Variants in FAT3 observed in about 807,000 individuals in gnomAD.
FAT3 encodes the protein FAT atypical cadherin 3.
A neutral mutation model predicts 310.2 loss-of-function variants in FAT3; 95 were observed. The ratio of observed to expected loss-of-function variants is 0.31; its 90% CI spans 0.26 to 0.36. FAT3 has a LOEUF of 0.36. Ranked by LOEUF, FAT3 falls within the 10% of genes least tolerant of loss-of-function variation. FAT3 has a pLI of 1.00. For synonymous variants in FAT3, 2,314 were observed against 2,192.9 expected (o/e 1.06, Z -1.54); for missense variants, 5,408 against 5,715.6 (o/e 0.95, Z 1.74).
At chr11:92,523,849 A>T (rs1953763911) in intron 2 of FAT3, among the ~76,000 whole-genome samples, 1 of 152,152 alleles carries the variant, frequency 6.6e-6, no homozygotes, top group Non-Finnish European at 1.5e-5. Flanking sequence ...TTTTAGGCAG[A>T]CATCTGATTT....
At position 92,799,021 on chromosome 11, in the gene FAT3, T is replaced by A; in HGVS notation, c.6008T>A (p.Ile2003Asn). ...AACACTAACATAACCAAAGTTGCTA[T>A]TGTCAATGCAGTTGGAAATCGCCTT... ...ENNTNITKVA[I>N]VNAVGNRLNE... Residue 2003 changes from isoleucine (I) to asparagine (N), a missense_variant, in exon 10 of 28, where the codon ATT (isoleucine) becomes AAT (asparagine). This residue lies in a region of FAT3 where 4,588 missense variants were observed against 4,809.8 expected (regional missense o/e 0.95). Transcript: ENST00000525166. The A allele has an allele frequency of 6.2e-7, 1 of 1,613,948 alleles. No individual in the cohort carries two copies. The highest frequency in any genetic ancestry group is 8.5e-7 in the Non-Finnish European group (1 of 1,179,862).
intron 3 of FAT3, among the ~76,000 whole-genome samples, chr11:92,672,130 A>G (rs943498660): frequency 2.0e-5 from 3 of 152,158 alleles, no homozygotes; most frequent in African/African-American, 7.2e-5. Context: ...AAATAAATAA[A>G]TAAATAAATA....
chr11:92,844,813 T>A, intron 19 of FAT3, 81 bp downstream of exon 19: 1 of 1,369,820 alleles, frequency 7.3e-7, no homozygotes, highest in Non-Finnish European at 9.7e-7. Context: ...ATGCCTGCAT[T>A]CAATCATTCG....
chr11:92,492,290 T>TCCA (rs1952628328), intron 2 of FAT3, among the ~76,000 whole-genome samples: 2 of 151,672 alleles, frequency 1.3e-5, no homozygotes, highest in African/African-American at 4.8e-5. Flanking sequence ...CATCCATCCA[T>TCCA]TCATCCATCC....
chr11:92,291,945 G>GA (rs1946706378), intron 1 of FAT3, among the ~76,000 whole-genome samples: 1 of 151,830 alleles, frequency 6.6e-6, no homozygotes, highest in Non-Finnish European at 1.5e-5. Context: ...TTTTTTCAAG[G>GA]AAAAAATATC....
intron 7 of FAT3, among the ~76,000 whole-genome samples, chr11:92,776,199 TATTC>T (rs1233691543): frequency 6.6e-6 from 1 of 152,204 alleles, no homozygotes; most frequent in South Asian, 2.1e-4. Context: ...AATTAAATGG[TATTC>T]AGTGTGCCCA....
intron 1 of FAT3, among the ~76,000 whole-genome samples, chr11:92,277,041 C>T (rs990849488): frequency 1.4e-4 from 21 of 152,012 alleles, no homozygotes; most frequent in Admixed American, 5.2e-4. Flanking sequence ...TACTTTTGCA[C>T]CTAGCAGTTG....
intron 6 of FAT3, chr11:92,766,512 C>T (rs902951346): frequency 2.0e-5 from 3 of 152,250 alleles, no homozygotes; most frequent in African/African-American, 7.2e-5. Flanking sequence ...CGCCCCATGG[C>T]CCGCAGTCAA....
At chr11:92,335,020 T>A (rs1030879256) in intron 1 of FAT3, among the ~76,000 whole-genome samples, 1 of 152,192 alleles carries the variant, frequency 6.6e-6, no homozygotes, top group Non-Finnish European at 1.5e-5. Flanking sequence ...AAATGCTTAC[T>A]ACATTAAAAG....
At position 92,810,055 on chromosome 11, in the gene FAT3, C is replaced by G. The variant is rs546668555; in HGVS notation, c.9460C>G (p.Gln3154Glu). The G allele has an allele frequency of 4.3e-6, 7 of 1,613,756 alleles. No individual in the cohort carries two copies. The highest frequency in any genetic ancestry group is 4.2e-6 in the Non-Finnish European group (5 of 1,179,804). Residue 3154 changes from glutamine (Q) to glutamate (E), a missense_variant, in exon 13 of 28, where the codon CAA becomes GAA. Around this residue, in one of 5 missense-constraint regions of FAT3, gnomAD observed 4,588 missense variants for 4,809.8 expected, o/e 0.95. Coordinates refer to ENST00000525166, the MANE Select transcript of FAT3 (RefSeq NM_001367949.2). The part of the protein sequence containing the change: ...TATKALLTRV[Q>E]AVDPDIGINR... Reference sequence around the variant, plus strand: ...CACCAAGGCTCTGTTGACCAGAGTTCAAGCCGTGGACCCCGACATTGGTAA... The same window carrying G: ...CACCAAGGCTCTGTTGACCAGAGTTGAAGCCGTGGACCCCGACATTGGTAA...
At chr11:92,632,995 G>A (rs1941612596) in intron 3 of FAT3, among the ~76,000 whole-genome samples, 1 of 152,114 alleles carries the variant, frequency 6.6e-6, no homozygotes, top group African/African-American at 2.4e-5. Context: ...TTTTGTACCT[G>A]CTACCTTTGT....
intron 1 of FAT3, among the ~76,000 whole-genome samples, chr11:92,229,371 T>C (rs1044693099): frequency 2.2e-5 from 3 of 135,652 alleles, no homozygotes; most frequent in African/African-American, 8.0e-5. Flanking sequence ...ATCTTTTCTG[T>C]GTTTTGGTCG....
intron 3 of FAT3, among the ~76,000 whole-genome samples, chr11:92,687,914 A>G (rs951166930): frequency 6.6e-6 from 1 of 152,098 alleles, no homozygotes; most frequent in Admixed American, 6.5e-5. Context: ...TCTAAAGTCA[A>G]AACAGGCTGG....
rs1451801313 is a variant in FAT3 at position 92,800,062 on chromosome 11, G to A, written c.7049G>A (p.Arg2350Gln). The A allele has an allele frequency of 1.9e-6, 3 of 1,613,950 alleles. No individual in the cohort carries two copies. The highest frequency in any genetic ancestry group is 1.1e-5 in the South Asian group (1 of 91,076). The change falls in exon 10 of 28, where the codon CGA becomes CAA. Residue 2350 changes from arginine (R) to glutamine (Q), a missense_variant. Coordinates refer to ENST00000525166, the MANE Select transcript of FAT3 (RefSeq NM_001367949.2). ...DSSSGLILTA[R>Q]MLDHELVQHC... ...TCAAGTGGCTTAATCCTGACAGCAC[G>A]AATGCTGGACCATGAGTTAGTACAA...
chr11:92,480,228 G>C (rs370100754), intron 2 of FAT3, among the ~76,000 whole-genome samples: 5 of 152,090 alleles, frequency 3.3e-5, no homozygotes, highest in African/African-American at 9.7e-5. Flanking sequence ...TGGCACCACT[G>C]CACTCCAGCC....
At chr11:92,500,636 A>G (rs2135271554) in intron 2 of FAT3, among the ~76,000 whole-genome samples, 1 of 152,154 alleles carries the variant, frequency 6.6e-6, no homozygotes, top group East Asian at 1.9e-4. Context: ...TTCAAGTCAG[A>G]TGTGACAGAA....
At chr11:92,881,726 A>G (rs1351948697) in intron 23 of FAT3, among the ~76,000 whole-genome samples, 1 of 152,222 alleles carries the variant, frequency 6.6e-6, no homozygotes, top group Non-Finnish European at 1.5e-5. Flanking sequence ...AAAAGTGAAA[A>G]AGAAGGTCTA....
intron 2 of FAT3, among the ~76,000 whole-genome samples, chr11:92,411,730 A>G (rs953625511): frequency 1.3e-5 from 2 of 151,100 alleles, no homozygotes; most frequent in Non-Finnish European, 1.5e-5. Context: ...AGTGCCTCCA[A>G]CTCTTACAAT....
chr11:92,277,290 C>A (rs1946298216), intron 1 of FAT3, among the ~76,000 whole-genome samples: 1 of 151,934 alleles, frequency 6.6e-6, no homozygotes, highest in African/African-American at 2.4e-5. Context: ...TTAGAGAATG[C>A]CTAAATGGAA....
Sources: allele counts gnomAD v4.1 joint callset (sites outside exome capture counted in the v4.1 genomes callset), GRCh38; gene constraint gnomAD v4.1.1; regional missense constraint gnomAD v4.1.1; transcripts MANE v1.5; gene names NCBI Gene and HGNC (gene_info 2026-07-23, HGNC 2026-07-21).